PRKD1: variants seen among roughly 807,000 people sequenced by gnomAD.
PRKD1 encodes serine/threonine-protein kinase D1.
In PRKD1, 63 loss-of-function variants were observed where a neutral mutation model predicts 95.9. The ratio of observed to expected loss-of-function variants is 0.66; its 90% confidence interval spans 0.54 to 0.81. PRKD1 has a LOEUF of 0.81. Ranked by LOEUF, PRKD1 falls within the 30% of genes least tolerant of loss-of-function variation. The pLI is 0.00. For missense variants in PRKD1, 1,048 were observed against 1,165.3 expected (o/e 0.90, Z 1.47); for synonymous variants, 425 against 423.1 (o/e 1.00, Z -0.05).
intron 1 of PRKD1, among the ~76,000 whole-genome samples, chr14:29,904,585 T>C (rs1566664055): frequency 2.6e-5 from 4 of 152,334 alleles, no homozygotes; most frequent in East Asian, 3.9e-4. Context: ...GCAATAATAA[T>C]TGCTATTATT....
At chr14:29,585,683 T>C (rs769851862) in intron 16 of PRKD1, among the ~76,000 whole-genome samples, 2 of 152,164 alleles carry the variant, frequency 1.3e-5, no homozygotes, top group African/African-American at 2.4e-5. Context: ...ATCACAACCT[T>C]ACAAAATATA....
At chr14:29,763,641 C>G (rs1888126994) in intron 1 of PRKD1, among the ~76,000 whole-genome samples, 1 of 152,120 alleles carries the variant, frequency 6.6e-6, no homozygotes, top group East Asian at 1.9e-4. Flanking sequence ...CTCCTATAAC[C>G]TTGGGTGTTG....
chr14:29,824,822 TCTTA>T (rs1335584480), intron 1 of PRKD1, among the ~76,000 whole-genome samples: 1 of 152,096 alleles, frequency 6.6e-6, no homozygotes, highest in Non-Finnish European at 1.5e-5. Context: ...TGAGGATATG[TCTTA>T]CTTATATATA....
chr14:29,734,975 T>A (rs1594470366), intron 1 of PRKD1, among the ~76,000 whole-genome samples: 1 of 152,268 alleles, frequency 6.6e-6, no homozygotes, highest in East Asian at 1.9e-4. Flanking sequence ...GTACTTACCT[T>A]GTTTGTTTCC....
At chr14:29,606,088 C>G (rs575825512) in intron 13 of PRKD1, among the ~76,000 whole-genome samples, 1 of 152,262 alleles carries the variant, frequency 6.6e-6, no homozygotes, top group Admixed American at 6.5e-5. Context: ...TCTCAGTTCA[C>G]TACAGCCTCC....
At chr14:29,792,881 G>T (rs1381865771) in intron 1 of PRKD1, among the ~76,000 whole-genome samples, 2 of 151,974 alleles carry the variant, frequency 1.3e-5, no homozygotes, top group Non-Finnish European at 2.9e-5. Flanking sequence ...GCCAATTTGA[G>T]GCCATTGCTT....
At chr14:29,615,605 T>C (rs111809329) in intron 13 of PRKD1, among the ~76,000 whole-genome samples, 1 of 152,226 alleles carries the variant, frequency 6.6e-6, no homozygotes, top group Non-Finnish European at 1.5e-5. Flanking sequence ...CGCTCTGGAA[T>C]CTGTGGTAAT....
At chr14:29,660,309 T>C in intron 4 of PRKD1, among the ~76,000 whole-genome samples, 1 of 152,228 alleles carries the variant, frequency 6.6e-6, no homozygotes, top group South Asian at 2.1e-4. Flanking sequence ...CTTAACTTTG[T>C]ATAATACTAC....
intron 2 of PRKD1, among the ~76,000 whole-genome samples, chr14:29,696,134 G>A (rs1399879308): frequency 1.3e-5 from 2 of 152,068 alleles, no homozygotes; most frequent in African/African-American, 4.8e-5. Context: ...AGAGTGACTC[G>A]GGATAGTCTA....
At chr14:29,891,386 T>C (rs969501083) in intron 1 of PRKD1, among the ~76,000 whole-genome samples, 2 of 152,192 alleles carry the variant, frequency 1.3e-5, no homozygotes, top group Non-Finnish European at 2.9e-5. Context: ...GGTGAAATAT[T>C]TGGTTAGATA....
At chr14:29,583,600 C>T (rs1418311782) in intron 16 of PRKD1, among the ~76,000 whole-genome samples, 1 of 152,122 alleles carries the variant, frequency 6.6e-6, no homozygotes. Flanking sequence ...CATGCTTAAG[C>T]TCAATCCTCT....
chr14:29,681,378 A>C (rs188778711), intron 2 of PRKD1, among the ~76,000 whole-genome samples: 9 of 151,960 alleles, frequency 5.9e-5, no homozygotes, highest in African/African-American at 2.2e-4. Context: ...AAGCTCAAGA[A>C]GCAAAAGGAA....
At chr14:29,634,670 C>A (rs967066537) in intron 7 of PRKD1, 129 bp from the exon 8 acceptor site, 2 of 1,247,198 alleles carry the variant, frequency 1.6e-6, no homozygotes, top group Non-Finnish European at 2.3e-6. Flanking sequence ...TTTAGTAAAA[C>A]GTATTGTCAG....
intron 1 of PRKD1, among the ~76,000 whole-genome samples, chr14:29,902,136 G>C (rs1046518967): frequency 6.6e-6 from 1 of 152,026 alleles, no homozygotes; most frequent in African/African-American, 2.4e-5. Context: ...ACACACACCT[G>C]GAATCCCAGC....
chr14:29,662,180 A>G (rs998963481), intron 4 of PRKD1, among the ~76,000 whole-genome samples: 3 of 152,196 alleles, frequency 2.0e-5, no homozygotes, highest in African/African-American at 7.2e-5. Context: ...ATATACATAT[A>G]TGCATAATTT....
intron 4 of PRKD1, among the ~76,000 whole-genome samples, chr14:29,645,041 C>T (rs73255547): frequency 0.037 from 5,696 of 152,158 alleles, 326 homozygotes; most frequent in African/African-American, 0.12. Context: ...AGCAGAACTA[C>T]GAATTCAGGT....
chr14:29,880,559 G>A (rs1436255392), intron 1 of PRKD1, among the ~76,000 whole-genome samples: 1 of 151,956 alleles, frequency 6.6e-6, no homozygotes, highest in African/African-American at 2.4e-5. Flanking sequence ...CCCACACAGA[G>A]TCCCTACTGG....
chr14:29,735,739 ATT>A (rs1886682507), intron 1 of PRKD1, among the ~76,000 whole-genome samples: 1 of 151,900 alleles, frequency 6.6e-6, no homozygotes, highest in Admixed American at 6.6e-5. Context: ...TCTATATTTC[ATT>A]TCTCTCTGTT....
At chr14:29,777,526 A>G (rs1384246518) in intron 1 of PRKD1, among the ~76,000 whole-genome samples, 1 of 152,078 alleles carries the variant, frequency 6.6e-6, no homozygotes, top group Non-Finnish European at 1.5e-5. Context: ...TTAAACCAAC[A>G]AAGATCAAAA....
Sources: allele counts gnomAD v4.1 joint callset (sites outside exome capture counted in the v4.1 genomes callset), GRCh38; gene constraint gnomAD v4.1.1; transcripts MANE v1.5; gene names NCBI Gene and HGNC (gene_info 2026-07-23, HGNC 2026-07-21).